The following DACH2 variants were observed in gnomAD, a reference collection of about 807,000 sequenced individuals.
The protein encoded by DACH2 is dachshund family transcription factor 2, also known as dachshund homolog 2.
In DACH2, 17 loss-of-function variants were observed where a neutral mutation model predicts 35.8. That is an observed-to-expected ratio of 0.48 (90% confidence interval 0.33 to 0.71). The LOEUF (loss-of-function observed/expected upper bound fraction) is 0.71. DACH2 is among the 30% of genes least tolerant of loss of function. The pLI is 0.02. For missense variants in DACH2, 469 were observed against 472.7 expected (o/e 0.99, Z 0.07); for synonymous variants, 195 against 177.3 (o/e 1.10, Z -0.79).
intron 1 of DACH2, among the ~76,000 whole-genome samples, chrX:86,194,114 G>A (rs762323965): frequency 1.1e-4 from 12 of 110,511 alleles, no homozygotes; most frequent in Admixed American, 8.7e-4. Context: ...TTGTGACAAA[G>A]AAAGAAACCA....
rs1013030547 is a variant in DACH2, at chrX:86,788,233, A to G, written c.1241-24623A>G. On this transcript the variant is annotated intron_variant, in intron 7 of 11. Coordinates refer to ENST00000373125, the MANE Select transcript of DACH2 (RefSeq NM_053281.3). The stretch of plus-strand genomic sequence containing the variant: ...TGCTTGCCTCTTAGTGTGCATGCTT[A>G]AGCTTACTCGCCCAGCTCCTGAGAT... 3.6e-5 allele frequency among the ~76,000 whole-genome samples: 4 copies of G among 110,999 alleles called. No homozygotes were observed. In the Admixed American group the frequency reaches 3.9e-4, roughly 11 times the overall value.
At chrX:86,598,660 T>C (rs888487404) in intron 3 of DACH2, among the ~76,000 whole-genome samples, 1 of 110,963 alleles carries the variant, frequency 9.0e-6, no homozygotes, top group Non-Finnish European at 1.9e-5. Flanking sequence ...AGCTAAGTTG[T>C]AACCCCTTTA....
chrX:86,379,842 TG>T (rs2036020601), intron 2 of DACH2, among the ~76,000 whole-genome samples: 1 of 110,936 alleles, frequency 9.0e-6, no homozygotes, highest in Admixed American at 9.6e-5. Context: ...AAATAAAATT[TG>T]GGTAGACAGT....
At chrX:86,644,899 A>G (rs1250713552) in intron 3 of DACH2, among the ~76,000 whole-genome samples, 1 of 110,468 alleles carries the variant, frequency 9.1e-6, no homozygotes, top group Non-Finnish European at 1.9e-5. Context: ...TCCTTAAAGC[A>G]TATACAAAAA....
intron 7 of DACH2, among the ~76,000 whole-genome samples, chrX:86,776,074 T>A (rs1049665401): frequency 1.8e-5 from 2 of 111,391 alleles, no homozygotes; most frequent in African/African-American, 6.5e-5. Flanking sequence ...AGACTATCTG[T>A]CATAGGCACT....
At chrX:86,536,856 G>T (rs2148294515) in intron 3 of DACH2, among the ~76,000 whole-genome samples, 1 of 111,777 alleles carries the variant, frequency 8.9e-6, no homozygotes, top group African/African-American at 3.2e-5. Flanking sequence ...CTTAATCTTG[G>T]CAAAAGAAAC....
intron 7 of DACH2, among the ~76,000 whole-genome samples, chrX:86,771,503 A>C (rs2041987490): frequency 1.8e-5 from 2 of 112,158 alleles, no homozygotes; most frequent in African/African-American, 6.5e-5. Context: ...CTGATGCTAA[A>C]GTATGAAAGT....
At chrX:86,546,348 TTCTTCTTCC>T (rs1434749883) in intron 3 of DACH2, among the ~76,000 whole-genome samples, 2 of 74,618 alleles carry the variant, frequency 2.7e-5, no homozygotes, top group South Asian at 6.3e-4. Context: ...CCTCTTCTTC[TTCTTCTTCC>T]TCTTCTTCTT....
At chrX:86,415,885 G>C (rs570324651) in intron 2 of DACH2, among the ~76,000 whole-genome samples, 3 of 111,659 alleles carry the variant, frequency 2.7e-5, no homozygotes, top group African/African-American at 9.7e-5. Context: ...GTATATATAA[G>C]AAAATAGTAC....
chrX:86,445,717 AG>A lies in DACH2; in HGVS notation c.528-68561del, dbSNP rs756094133. 1.5e-4 allele frequency among the ~76,000 whole-genome samples: 17 copies of A among 110,386 alleles called. No homozygotes were observed. The South Asian group carries it at 6.1e-3, about 40-fold the overall frequency. On this transcript the variant is annotated intron_variant, in intron 2 of 11. Coordinates refer to ENST00000373125, the MANE Select transcript of DACH2 (RefSeq NM_053281.3). ...TTTCTAGTGTTATGTCACTGTGGTA[AG>A]AAAAAATTTGATATAATTTCAATCT...
At chrX:86,646,555 AC>A (rs200376374) in intron 3 of DACH2, among the ~76,000 whole-genome samples, 4,076 of 110,328 alleles carry the variant, frequency 0.037, 217 homozygotes, top group African/African-American at 0.13. Context: ...TGGATATGAC[AC>A]CAAAAGCATG....
At chrX:86,667,556 GAAAGAAAGA>G (rs1569463692) in intron 4 of DACH2, among the ~76,000 whole-genome samples, 10 of 66,117 alleles carry the variant, frequency 1.5e-4, no homozygotes, top group African/African-American at 6.1e-4. Flanking sequence ...AAGAAAGAAA[GAAAGAAAGA>G]AAGAAAGAAA....
chrX:86,575,315 A>T (rs1011008813), intron 3 of DACH2, among the ~76,000 whole-genome samples: 3 of 111,289 alleles, frequency 2.7e-5, no homozygotes, highest in Admixed American at 9.6e-5. Flanking sequence ...AATTAAAAAC[A>T]AATTGTTCAT....
intron 6 of DACH2, among the ~76,000 whole-genome samples, chrX:86,723,975 C>A (rs762664381): frequency 2.7e-5 from 3 of 110,108 alleles, no homozygotes; most frequent in Non-Finnish European, 5.7e-5. Flanking sequence ...CATGAAATAT[C>A]TTTTTTTTCA....
intron 2 of DACH2, among the ~76,000 whole-genome samples, chrX:86,414,599 C>A (rs1158616766): frequency 9.0e-6 from 1 of 111,135 alleles, no homozygotes; most frequent in Non-Finnish European, 1.9e-5. Flanking sequence ...AAGGGTATAT[C>A]TTTTTGACCC....
chrX:86,294,455 C>T (rs189663736), intron 1 of DACH2, among the ~76,000 whole-genome samples: 1,771 of 110,820 alleles, frequency 0.016, 47 homozygotes, highest in African/African-American at 0.054. Flanking sequence ...AGCTTTGTTC[C>T]GTTGCTGGTG....
intron 1 of DACH2, among the ~76,000 whole-genome samples, chrX:86,369,123 TACA>T (rs2035848824): frequency 2.7e-5 from 3 of 111,120 alleles, no homozygotes; most frequent in Admixed American, 9.7e-5. Flanking sequence ...TGTAAAACTA[TACA>T]ACAAGTGGTA....
intron 1 of DACH2, among the ~76,000 whole-genome samples, chrX:86,322,050 G>T (rs777112491): frequency 1.8e-5 from 2 of 110,703 alleles, no homozygotes; most frequent in East Asian, 2.9e-4. Context: ...GCACTTAGGA[G>T]TCACCTCCAA....
At chrX:86,793,602 A>T (rs1454073459) in intron 7 of DACH2, among the ~76,000 whole-genome samples, 1 of 111,755 alleles carries the variant, frequency 8.9e-6, no homozygotes, top group Non-Finnish European at 1.9e-5. Context: ...ATCAGAAACA[A>T]ATATTTCCAA....
Sources: allele counts gnomAD v4.1 joint callset (sites outside exome capture counted in the v4.1 genomes callset), GRCh38; gene constraint gnomAD v4.1.1; transcripts MANE v1.5; gene names NCBI Gene and HGNC (gene_info 2026-07-23, HGNC 2026-07-21).